UTRN: variants seen among roughly 807,000 people sequenced by gnomAD.
UTRN encodes the protein utrophin.
Under a neutral mutation model 463.9 loss-of-function variants are expected in UTRN, and 283 were observed. That is an observed-to-expected ratio of 0.61 (90% CI 0.55 to 0.67). The LOEUF (loss-of-function observed/expected upper bound fraction) is 0.67, where lower values mean the gene tolerates loss of function less well. Ranked by LOEUF, UTRN falls within the 30% of genes least tolerant of loss-of-function variation. The pLI is 0.00. For synonymous variants in UTRN, 1,442 were observed against 1,431.5 expected, an observed-to-expected ratio of 1.01 and a Z score of -0.17; for missense variants, 3,922 against 4,084.3, an observed-to-expected ratio of 0.96 and a Z score of 1.08.
chr6:144,452,622 G>C (rs931608553), intron 18 of UTRN, among the ~76,000 whole-genome samples: 4 of 151,792 alleles, frequency 2.6e-5, no homozygotes, highest in Admixed American at 1.3e-4. Context: ...AAAAAATAAT[G>C]AAATTAGGAG....
chr6:144,653,362 G>T (rs1779016776), intron 51 of UTRN, among the ~76,000 whole-genome samples: 1 of 152,090 alleles, frequency 6.6e-6, no homozygotes, highest in Non-Finnish European at 1.5e-5. Flanking sequence ...GAGGCAAGTG[G>T]ATCACGAGGT....
intron 2 of UTRN, among the ~76,000 whole-genome samples, chr6:144,366,432 G>T (rs1779512554): frequency 6.6e-6 from 1 of 152,114 alleles, no homozygotes. Flanking sequence ...TCCCATGTCT[G>T]TTGTTCCCCT....
intron 33 of UTRN, among the ~76,000 whole-genome samples, chr6:144,495,135 G>A (rs1006972779): frequency 5.9e-5 from 9 of 152,218 alleles, no homozygotes; most frequent in African/African-American, 2.2e-4. Context: ...TTCCAGTCCC[G>A]CACCGTGGGC....
At chr6:144,513,882 G>A in intron 35 of UTRN, 27 bp from the exon 36 acceptor site, 2 of 1,607,856 alleles carry the variant, frequency 1.2e-6, no homozygotes, top group Non-Finnish European at 1.7e-6. Flanking sequence ...ATATGGTTAT[G>A]TAAGCATTTT....
At chr6:144,458,674 A>G (rs541395587) in intron 19 of UTRN, 96 bp from the exon 20 acceptor site, 2 of 1,408,942 alleles carry the variant, frequency 1.4e-6, no homozygotes, top group Non-Finnish European at 1.9e-6. Context: ...TATGTGTGAC[A>G]TTGCCTCACT....
intron 2 of UTRN, among the ~76,000 whole-genome samples, chr6:144,335,941 G>A (rs969903928): frequency 6.6e-6 from 1 of 152,070 alleles, no homozygotes; most frequent in Non-Finnish European, 1.5e-5. Context: ...AGATGATTAT[G>A]TCTCATTCCC....
At chr6:144,817,374 G>C (rs866099862) in intron 65 of UTRN, among the ~76,000 whole-genome samples, 9 of 152,066 alleles carry the variant, frequency 5.9e-5, no homozygotes, top group Middle Eastern at 3.4e-3. Context: ...AGTAATGATT[G>C]TTCCTTTCAA....
chr6:144,511,927 C>G (rs1795209853), intron 35 of UTRN, among the ~76,000 whole-genome samples: 1 of 151,858 alleles, frequency 6.6e-6, no homozygotes, highest in African/African-American at 2.4e-5. Context: ...GGACTTTTAT[C>G]AAATTTATAG....
chr6:144,548,663 G>T lies in UTRN; in HGVS notation c.6619G>T (p.Val2207Leu). The change falls in exon 47 of 75, where the codon GTG (valine) becomes TTG (leucine). Residue 2207 changes from valine (V) to leucine (L), a missense_variant. Val to Leu is a conservative substitution (Grantham distance 32, BLOSUM62 1). Around this residue, in one of 3 missense-constraint regions of UTRN, gnomAD observed 2,349 missense variants for 2,303.8 expected, o/e 1.02. Coordinates refer to ENST00000367545, the MANE Select transcript of UTRN (RefSeq NM_007124.3). Reference sequence around the variant, plus strand: ...AGCTCATCCTAATGTCCAAAAGGTGGTGCTAGTATCATCTGCGTCAGATAT... The same window carrying T: ...AGCTCATCCTAATGTCCAAAAGGTGTTGCTAGTATCATCTGCGTCAGATAT... ...IAAHPNVQKV[V>L]LVSSASDIPV... is the part of the protein sequence containing the mutation. The T allele has an allele frequency of 6.2e-7, 1 of 1,613,838 alleles. No individual in the cohort carries two copies. Among genetic ancestry groups the T allele is most frequent in the Non-Finnish European group, 8.5e-7 (1 of 1,179,898 alleles).
intron 54 of UTRN, among the ~76,000 whole-genome samples, chr6:144,731,008 A>G (rs1788456988): frequency 6.6e-6 from 1 of 151,110 alleles, no homozygotes; most frequent in Non-Finnish European, 1.5e-5. Flanking sequence ...CTACCTTACT[A>G]GCAAATTTAC....
At chr6:144,478,544 G>T (rs911130109) in intron 25 of UTRN, among the ~76,000 whole-genome samples, 5 of 152,212 alleles carry the variant, frequency 3.3e-5, no homozygotes, top group African/African-American at 9.6e-5. Flanking sequence ...TGGTTACCCT[G>T]TGGGGACAGT....
chr6:144,571,611 C>T (rs893947677), intron 50 of UTRN, among the ~76,000 whole-genome samples: 1 of 152,150 alleles, frequency 6.6e-6, no homozygotes, highest in Non-Finnish European at 1.5e-5. Context: ...TTCCCTGCTT[C>T]GCCATTGAAT....
intron 32 of UTRN, among the ~76,000 whole-genome samples, chr6:144,492,324 T>G (rs1793147375): frequency 6.6e-6 from 1 of 152,264 alleles, no homozygotes; most frequent in South Asian, 2.1e-4. Context: ...GGCCTTGAGC[T>G]GCATTCATGC....
At chr6:144,614,227 A>T (rs1435311826) in intron 51 of UTRN, among the ~76,000 whole-genome samples, 1 of 152,140 alleles carries the variant, frequency 6.6e-6, no homozygotes, top group Non-Finnish European at 1.5e-5. Flanking sequence ...AATGAGATTC[A>T]TGGTGGTAAA....
At chr6:144,401,920 A>G (rs1226644341) in intron 2 of UTRN, among the ~76,000 whole-genome samples, 1 of 152,184 alleles carries the variant, frequency 6.6e-6, no homozygotes, top group African/African-American at 2.4e-5. Context: ...GCAGCCCAGC[A>G]GTATAAAAGG....
chr6:144,364,592 AGAT>A (rs1779355063), intron 2 of UTRN, among the ~76,000 whole-genome samples: 2 of 152,246 alleles, frequency 1.3e-5, no homozygotes, highest in South Asian at 4.1e-4. Flanking sequence ...GAAGCGTTGC[AGAT>A]GAGTCCGTGT....
intron 2 of UTRN, among the ~76,000 whole-genome samples, chr6:144,296,970 A>T (rs1804773759): frequency 6.6e-6 from 1 of 152,208 alleles, no homozygotes; most frequent in African/African-American, 2.4e-5. Flanking sequence ...AAAGGGGAAA[A>T]TACCAGAGGA....
At chr6:144,418,275 G>A (rs1377386712) in intron 3 of UTRN, among the ~76,000 whole-genome samples, 40 of 148,844 alleles carry the variant, frequency 2.7e-4, no homozygotes, top group African/African-American at 8.7e-4. Flanking sequence ...GTGCAGTGGC[G>A]TGATCTTGGC....
intron 2 of UTRN, among the ~76,000 whole-genome samples, chr6:144,325,834 A>G (rs1014941206): frequency 6.6e-6 from 1 of 152,186 alleles, no homozygotes; most frequent in East Asian, 1.9e-4. Context: ...ATCCTCAGAG[A>G]AGTAGGAAAA....
Sources: gnomAD v4.1 joint callset for allele counts (sites outside exome capture counted in the v4.1 genomes callset) on GRCh38, gnomAD v4.1.1 for gene constraint, gnomAD v4.1.1 regional missense constraint, MANE v1.5 for transcripts, NCBI Gene and HGNC (gene_info 2026-07-23, HGNC 2026-07-21) for gene names.